The following KIT variants were observed in gnomAD, a reference collection of about 807,000 sequenced individuals.
KIT encodes the protein KIT proto-oncogene, receptor tyrosine kinase.
Under a neutral mutation model 105.7 loss-of-function variants are expected in KIT, and 16 were observed. That is an observed-to-expected ratio of 0.15 (90% CI 0.10 to 0.23). KIT has a LOEUF of 0.23. Among genes scored for constraint, KIT ranks in the 10% least tolerant of loss-of-function variants. The pLI is 1.00. For synonymous variants in KIT, 438 were observed against 441.1 expected (o/e 0.99, Z 0.09); for missense variants, 858 against 1,213.8 (o/e 0.71, Z 4.36).
chr4:54,730,200 G>A (rs1367400549), intron 14 of KIT, among the ~76,000 whole-genome samples: 1 of 152,134 alleles, frequency 6.6e-6, no homozygotes, highest in Non-Finnish European at 1.5e-5. Flanking sequence ...GCCACCATTT[G>A]AGAAGACTTC....
At chr4:54,708,850 C>T (rs1384422690) in intron 6 of KIT, among the ~76,000 whole-genome samples, 1 of 152,142 alleles carries the variant, frequency 6.6e-6, no homozygotes, top group Non-Finnish European at 1.5e-5. Context: ...GCTCAGTGTA[C>T]ACAGCCCTAT....
chr4:54,679,388 T>G (rs1718743945), intron 1 of KIT, among the ~76,000 whole-genome samples: 1 of 152,174 alleles, frequency 6.6e-6, no homozygotes, highest in Non-Finnish European at 1.5e-5. Context: ...GGCAGTAACC[T>G]TTTTTCTAGC....
intron 1 of KIT, among the ~76,000 whole-genome samples, chr4:54,679,813 T>C (rs1366256147): frequency 2.0e-5 from 3 of 152,232 alleles, no homozygotes; most frequent in African/African-American, 4.8e-5. Context: ...ATATACACAG[T>C]GGACTATTAT....
At chr4:54,732,673 C>T (rs1464957858) in intron 16 of KIT, among the ~76,000 whole-genome samples, 1 of 152,058 alleles carries the variant, frequency 6.6e-6, no homozygotes, top group South Asian at 2.1e-4. Context: ...GACCTTCTTC[C>T]GTGTGTCCTT....
intron 7 of KIT, among the ~76,000 whole-genome samples, chr4:54,721,121 A>G (rs1223361854): frequency 1.3e-5 from 2 of 152,158 alleles, no homozygotes; most frequent in Non-Finnish European, 2.9e-5. Context: ...AAGTATACTC[A>G]ATCAGTAAGA....
At chr4:54,659,174 G>A (rs1717053856) in intron 1 of KIT, among the ~76,000 whole-genome samples, 1 of 152,214 alleles carries the variant, frequency 6.6e-6, no homozygotes, top group African/African-American at 2.4e-5. Flanking sequence ...GGTGGGAGAT[G>A]GCGTGGAACT....
Position 54,713,046 on chromosome 4 carries a change from T to G in KIT, c.1231+3507T>G, listed in dbSNP as rs148129306. Among the ~76,000 whole-genome samples, 367 of 146,748 alleles carry G rather than the reference T, an allele frequency of 2.5e-3. 3 individuals are homozygous for G. The highest frequency in any genetic ancestry group is 8.5e-3 in the African/African-American group (351 of 41,214). On this transcript the variant is annotated intron_variant, in intron 7 of 20. Transcript: ENST00000288135. ...TCCCAGTTGCTCTTTAGAGATATAG[T>G]TAGCTGATTTGTTGATTTTTTTTAA... is the stretch of plus-strand genomic sequence containing the variant.
chr4:54,728,174 A>G (rs1722364708), intron 13 of KIT, 53 bp downstream of exon 13: 1 of 1,300,588 alleles, frequency 7.7e-7, no homozygotes, highest in Non-Finnish European at 1.1e-6. Flanking sequence ...TCAAAACATG[A>G]CATTTTAATA....
At chr4:54,670,780 G>A (rs775565205) in intron 1 of KIT, among the ~76,000 whole-genome samples, 46 of 152,094 alleles carry the variant, frequency 3.0e-4, no homozygotes, top group Non-Finnish European at 5.6e-4. Context: ...CCTCATTCCC[G>A]AGGGGTCCTG....
At position 54,663,809 on chromosome 4, in the gene KIT, A is replaced by G. The variant is rs150178069; in HGVS notation, c.67+5728A>G. 3.4e-3 allele frequency among the ~76,000 whole-genome samples: 518 copies of G among 152,290 alleles called. 4 individuals carry two copies. Among genetic ancestry groups the G allele is most frequent in the African/African-American group, 0.012 (500 of 41,568 alleles). ...ACTTGTCCATTGCCCCAGGCTAGAC[A>G]CAGCGGTTAGTGTTCAGTAAGTATT... On this transcript the variant is annotated intron_variant, in intron 1 of 20. Transcript: ENST00000288135.
chr4:54,690,493 G>A (rs192622558), intron 1 of KIT, among the ~76,000 whole-genome samples: 4 of 152,298 alleles, frequency 2.6e-5, no homozygotes, highest in East Asian at 1.9e-4. Context: ...GCTTAAAGCC[G>A]TCATTCCTTA....
chr4:54,696,256 C>G (rs1367332575), intron 2 of KIT, among the ~76,000 whole-genome samples: 5 of 152,176 alleles, frequency 3.3e-5, no homozygotes, highest in African/African-American at 1.2e-4. Flanking sequence ...CCATGTCTGT[C>G]ATGGGTTCTT....
intron 5 of KIT, among the ~76,000 whole-genome samples, chr4:54,706,153 C>G (rs1720774668): frequency 6.6e-6 from 1 of 151,394 alleles, no homozygotes; most frequent in Non-Finnish European, 1.5e-5. Flanking sequence ...TGTTTTTGGC[C>G]TGTAGCTATC....
At chr4:54,737,780 G>T (rs1042427001) in intron 20 of KIT, among the ~76,000 whole-genome samples, 1 of 152,210 alleles carries the variant, frequency 6.6e-6, no homozygotes, top group African/African-American at 2.4e-5. Context: ...AGAGCTGTTT[G>T]AAGTTGGGAG....
chr4:54,684,213 C>T (rs1020542314), intron 1 of KIT, among the ~76,000 whole-genome samples: 2 of 152,044 alleles, frequency 1.3e-5, no homozygotes, highest in Admixed American at 1.3e-4. Flanking sequence ...GCCTGACTGC[C>T]TCCGCTGCAA....
chr4:54,662,359 C>T (rs1717343798), intron 1 of KIT, among the ~76,000 whole-genome samples: 1 of 152,150 alleles, frequency 6.6e-6, no homozygotes, highest in African/African-American at 2.4e-5. Context: ...CTAGTTTTGC[C>T]ACTTATTAGC....
intron 1 of KIT, among the ~76,000 whole-genome samples, chr4:54,682,554 A>G (rs1213916055): frequency 1.3e-5 from 2 of 151,116 alleles, no homozygotes; most frequent in Admixed American, 1.3e-4. Flanking sequence ...TCAGCCTCCT[A>G]AGCTGAGATT....
At chr4:54,700,106 G>T (rs939583073) in intron 4 of KIT, among the ~76,000 whole-genome samples, 1 of 152,130 alleles carries the variant, frequency 6.6e-6, no homozygotes. Context: ...TAAAGCTATT[G>T]TTGATACCGT....
intron 1 of KIT, among the ~76,000 whole-genome samples, chr4:54,689,392 G>A (rs1173691076): frequency 3.3e-5 from 5 of 152,200 alleles, no homozygotes; most frequent in Admixed American, 3.3e-4. Flanking sequence ...GAACTTAATA[G>A]TATTGGACAT....
Sources: allele counts gnomAD v4.1 joint callset (sites outside exome capture counted in the v4.1 genomes callset), GRCh38; gene constraint gnomAD v4.1.1; transcripts MANE v1.5; gene names NCBI Gene and HGNC (gene_info 2026-07-23, HGNC 2026-07-21).